The following IL6ST variants were observed in gnomAD, a reference collection of about 807,000 sequenced individuals.
IL6ST encodes the protein interleukin-6 receptor subunit beta.
In IL6ST, 24 loss-of-function variants were observed where a neutral mutation model predicts 91.3. The ratio of observed to expected loss-of-function variants is 0.26; its 90% CI spans 0.19 to 0.37. The LOEUF (loss-of-function observed/expected upper bound fraction) is 0.37, where lower values mean the gene tolerates loss of function less well. Among genes scored for constraint, IL6ST ranks in the 10% least tolerant of loss-of-function variants. The probability of loss-of-function intolerance (pLI) is 1.00; values close to 1 mark genes in which losing one functional copy is unlikely to be tolerated. For missense variants in IL6ST, 914 were observed against 1,078.5 expected (o/e 0.85, Z 2.14); for synonymous variants, 351 against 373.6 (o/e 0.94, Z 0.70).
chr5:55,960,043 G>A (rs369434172), intron 8 of IL6ST, among the ~76,000 whole-genome samples: 1 of 151,772 alleles, frequency 6.6e-6, no homozygotes, highest in Non-Finnish European at 1.5e-5. Flanking sequence ...CCACCACCAC[G>A]CCCGGCTAAT....
intron 1 of IL6ST, among the ~76,000 whole-genome samples, chr5:55,988,982 C>T (rs1041164469): frequency 4.0e-5 from 6 of 150,988 alleles, no homozygotes; most frequent in Admixed American, 6.6e-5. Context: ...AAAAATCAGC[C>T]GGGCATGGTG....
intron 11 of IL6ST, 36 bp from the exon 12 acceptor site, chr5:55,952,387 A>G (rs1751690278): frequency 1.6e-6 from 2 of 1,245,654 alleles, no homozygotes; most frequent in African/African-American, 1.5e-5. Flanking sequence ...ATGTTTTTCC[A>G]TAATGAAAAA....
intron 8 of IL6ST, chr5:55,959,576 C>CTA: frequency 1.1e-6 from 1 of 923,558 alleles, no homozygotes; most frequent in Non-Finnish European, 1.5e-6. Context: ...CTTTTTTATT[C>CTA]TATATCATAT....
rs778300992 is a variant in IL6ST at position 55,941,276 on chromosome 5, G to C, written c.2563C>G (p.His855Asp). 3.1e-6 allele frequency: 5 copies of C among 1,614,054 alleles called. No homozygotes were observed. The highest frequency in any genetic ancestry group is 4.2e-6 in the Non-Finnish European group (5 of 1,179,932). Reference protein sequence around the residue: ...FVRLKQQISDHISQSCGSGQM... With the variant: ...FVRLKQQISDDISQSCGSGQM... ...CCAGATCCACAGGATTGTGAAATAT[G>C]ATCTGAAATCTGCTGTTTAAGTCTA... The change falls in exon 17 of 17, where the codon CAT (histidine) becomes GAT (aspartate). Residue 855 changes from histidine (H) to aspartate (D), a missense_variant. Coordinates refer to ENST00000381298, the MANE Select transcript of IL6ST (RefSeq NM_002184.4).
At chr5:55,950,455 G>A (rs1430167613) in intron 14 of IL6ST, among the ~76,000 whole-genome samples, 1 of 141,128 alleles carries the variant, frequency 7.1e-6, no homozygotes, top group Non-Finnish European at 1.5e-5. Context: ...AGAATCACTT[G>A]AACCTGGGAG....
At chr5:55,946,628 C>T (rs978410945) in intron 15 of IL6ST, among the ~76,000 whole-genome samples, 1 of 151,946 alleles carries the variant, frequency 6.6e-6, no homozygotes, top group Non-Finnish European at 1.5e-5. Flanking sequence ...ACCAGCCTGG[C>T]CAACATGATG....
intron 11 of IL6ST, among the ~76,000 whole-genome samples, chr5:55,953,337 T>C (rs1164815882): frequency 1.3e-5 from 2 of 152,220 alleles, no homozygotes; most frequent in East Asian, 3.8e-4. Flanking sequence ...CTTTCAGGGT[T>C]ACTGAGCAAC....
chr5:55,940,236 T>C lies in IL6ST; in HGVS notation c.*846A>G, dbSNP rs973145761. ...TTTTTTCCCCTTTACTACTACTTCC[T>C]GTTTTCCCCTTTACTACTACAATTT... On this transcript the variant is annotated 3_prime_UTR_variant, in exon 17 of 17. Coordinates refer to ENST00000381298, the MANE Select transcript of IL6ST (RefSeq NM_002184.4). 5.7e-5 allele frequency: 12 copies of C among 211,622 alleles called. No individual in the cohort carries two copies. Among genetic ancestry groups the C allele is most frequent in the Admixed American group, 2.3e-4 (4 of 17,022 alleles). 13.1% of individuals were successfully genotyped at this position (211,622 alleles called of 1,614,324 possible).
chr5:55,952,733 G>A (rs1751716415), intron 11 of IL6ST, among the ~76,000 whole-genome samples: 1 of 152,092 alleles, frequency 6.6e-6, no homozygotes, highest in African/African-American at 2.4e-5. Flanking sequence ...AGCACTAACG[G>A]TCCTAGTTTG....
At chr5:55,978,235 A>AT (rs1483866617) in intron 2 of IL6ST, 1 of 152,220 alleles carries the variant, frequency 6.6e-6, no homozygotes, top group Non-Finnish European at 1.5e-5. Context: ...GTCACAGGGC[A>AT]TTGTGAAGTC....
At chr5:55,947,024 G>GA (rs1225100123) in intron 15 of IL6ST, among the ~76,000 whole-genome samples, 4 of 152,020 alleles carry the variant, frequency 2.6e-5, no homozygotes, top group African/African-American at 9.7e-5. Context: ...CCAACATGGT[G>GA]ATACCCCATC....
chr5:55,970,718 C>G (rs993147927), intron 3 of IL6ST, among the ~76,000 whole-genome samples: 1 of 151,934 alleles, frequency 6.6e-6, no homozygotes, highest in African/African-American at 2.4e-5. Context: ...ATCAGCCTAA[C>G]CAACATGCTA....
chr5:55,951,739 A>G, intron 13 of IL6ST, 135 bp from the exon 14 acceptor site: 1 of 898,078 alleles, frequency 1.1e-6, no homozygotes, highest in Non-Finnish European at 1.7e-6. Context: ...ATGTTCTGAC[A>G]TAATTTTATG....
In IL6ST at chr5:55,961,002, G is replaced by C. The variant is rs528065823; in HGVS notation, c.814-441C>G. Among the ~76,000 whole-genome samples the C allele has an allele frequency of 2.7e-5, 4 of 150,430 alleles. No individual in the cohort carries two copies. In the East Asian group the frequency reaches 6.0e-4, roughly 22 times the overall value. On this transcript the variant is annotated intron_variant, in intron 7 of 16. Transcript: ENST00000381298. ...CTGGAGCTCAATGGTGCAATGGCGC[G>C]ATCTCAGCTCACTGCAACCTCCGCC...
chr5:55,970,026 T>C (rs1487595904), intron 3 of IL6ST, among the ~76,000 whole-genome samples, 171 bp from the exon 4 acceptor site: 1 of 152,228 alleles, frequency 6.6e-6, no homozygotes, highest in Non-Finnish European at 1.5e-5. Flanking sequence ...ATTTAATGCC[T>C]GAATTTGTAA....
chr5:55,973,427 A>G (rs972539122), intron 3 of IL6ST, among the ~76,000 whole-genome samples: 4 of 152,184 alleles, frequency 2.6e-5, no homozygotes, highest in Admixed American at 2.0e-4. Flanking sequence ...ACAGACTCCA[A>G]TTAGCTTTCT....
intron 2 of IL6ST, chr5:55,978,416 T>A (rs1477131873): frequency 2.0e-5 from 3 of 152,298 alleles, no homozygotes; most frequent in African/African-American, 7.2e-5. Context: ...TCTGAGAGTC[T>A]ACCTTCCAAC....
chr5:55,972,294 C>CTT (rs927172538), intron 3 of IL6ST, among the ~76,000 whole-genome samples: 3 of 152,036 alleles, frequency 2.0e-5, no homozygotes, highest in African/African-American at 7.2e-5. Context: ...GGGTGGATCA[C>CTT]GAGGTCAGGA....
At chr5:55,984,403 G>C (rs1234833347) in intron 1 of IL6ST, among the ~76,000 whole-genome samples, 2 of 152,224 alleles carry the variant, frequency 1.3e-5, no homozygotes, top group African/African-American at 2.4e-5. Context: ...GGATGTTATA[G>C]TGGAGTATAA....
Sources: gnomAD v4.1 joint callset for allele counts (sites outside exome capture counted in the v4.1 genomes callset) on GRCh38, gnomAD v4.1.1 for gene constraint, MANE v1.5 for transcripts, NCBI Gene and HGNC (gene_info 2026-07-23, HGNC 2026-07-21) for gene names.